NRG3: variants seen among roughly 807,000 people sequenced by gnomAD.
NRG3 encodes neuregulin 3.
In NRG3, 31 loss-of-function variants were observed where a neutral mutation model predicts 66.9. That is an observed-to-expected ratio of 0.46 (90% CI 0.35 to 0.63). NRG3 has a LOEUF of 0.63. Among genes scored for constraint, NRG3 ranks in the 20% least tolerant of loss-of-function variants. The pLI is 0.00. For synonymous variants in NRG3, 393 were observed against 359.4 expected (o/e 1.09, Z -1.06); for missense variants, 910 against 878.9 (o/e 1.04, Z -0.45).
intron 4 of NRG3, among the ~76,000 whole-genome samples, chr10:82,928,475 T>G (rs554901873): frequency 2.0e-5 from 3 of 152,168 alleles, no homozygotes; most frequent in Non-Finnish European, 4.4e-5. Context: ...GTTTTAGGTC[T>G]TAAGTTTAAG....
At chr10:82,567,653 A>T (rs2045491792) in intron 2 of NRG3, among the ~76,000 whole-genome samples, 1 of 151,942 alleles carries the variant, frequency 6.6e-6, no homozygotes, top group Non-Finnish European at 1.5e-5. Context: ...CATATGCAAG[A>T]TATTTCTGTC....
rs183346293 is a variant in NRG3, at chr10:82,245,779, G to A, written c.824-112960G>A. The stretch of plus-strand genomic sequence containing the variant: ...ACCACACAGGAATTCTCATTTTTGA[G>A]AAGATAAAGAATGAGGAAAATCTGA... On this transcript the variant is annotated intron_variant, in intron 1 of 8. Coordinates refer to ENST00000372141, the MANE Select transcript of NRG3 (RefSeq NM_001010848.4). 2.7e-3 allele frequency among the ~76,000 whole-genome samples: 411 copies of A among 152,230 alleles called. 1 individual carries two copies. Among genetic ancestry groups the A allele is most frequent in the African/African-American group, 8.9e-3 (371 of 41,550 alleles).
rs532745471 is a variant in NRG3, at chr10:82,028,823, C to A, written c.823+152660C>A. ...AAATAACTAAGAAATATGCTCACCC[C>A]GTAAGGATTTATGTGGAGCTCACTC... On this transcript the variant is annotated intron_variant, in intron 1 of 8. Coordinates refer to ENST00000372141, the MANE Select transcript of NRG3 (RefSeq NM_001010848.4). 1.2e-4 allele frequency among the ~76,000 whole-genome samples: 18 copies of A among 152,178 alleles called. 1 individual carries two copies. In the South Asian group the frequency reaches 3.7e-3, roughly 32 times the overall value.
At chr10:81,950,793 G>A (rs1352754202) in intron 1 of NRG3, among the ~76,000 whole-genome samples, 2 of 152,084 alleles carry the variant, frequency 1.3e-5, no homozygotes, top group East Asian at 1.9e-4. Flanking sequence ...AAAAGGCAAC[G>A]CTTTATGGAA....
chr10:82,256,590 T>C (rs1312566992), intron 1 of NRG3, among the ~76,000 whole-genome samples: 2 of 152,230 alleles, frequency 1.3e-5, no homozygotes, highest in African/African-American at 4.8e-5. Context: ...CCTGCTGCTC[T>C]ACCTTCTCTT....
At chr10:82,110,930 A>AC (rs1441420182) in intron 1 of NRG3, among the ~76,000 whole-genome samples, 1 of 151,688 alleles carries the variant, frequency 6.6e-6, no homozygotes, top group African/African-American at 2.4e-5. Flanking sequence ...TAGAGAAAAG[A>AC]AAAAAAAAGT....
At chr10:82,110,576 G>A (rs2067326823) in intron 1 of NRG3, among the ~76,000 whole-genome samples, 1 of 151,832 alleles carries the variant, frequency 6.6e-6, no homozygotes, top group Non-Finnish European at 1.5e-5. Context: ...AAAGGTGTCA[G>A]GGAGGAAAGT....
At chr10:82,576,405 T>A (rs1270823056) in intron 2 of NRG3, among the ~76,000 whole-genome samples, 1 of 151,490 alleles carries the variant, frequency 6.6e-6, no homozygotes, top group African/African-American at 2.4e-5. Flanking sequence ...CCTCCCCTCC[T>A]AGACATCTAA....
At chr10:82,024,203 C>T (rs567671407) in intron 1 of NRG3, among the ~76,000 whole-genome samples, 1 of 151,932 alleles carries the variant, frequency 6.6e-6, no homozygotes, top group African/African-American at 2.4e-5. Context: ...TAGTATCTCC[C>T]CTTTTCCTCT....
intron 4 of NRG3, among the ~76,000 whole-genome samples, chr10:82,940,159 G>T (rs1389708766): frequency 6.6e-6 from 1 of 152,158 alleles, no homozygotes; most frequent in East Asian, 1.9e-4. Context: ...AGGCTTAATA[G>T]TATTTATTCT....
At chr10:82,268,226 C>T (rs2078406721) in intron 1 of NRG3, among the ~76,000 whole-genome samples, 1 of 152,088 alleles carries the variant, frequency 6.6e-6, no homozygotes, top group East Asian at 1.9e-4. Context: ...TACAGGGGTA[C>T]TATTATCATT....
In NRG3 at chr10:82,986,803, AT is replaced by A. The variant is rs1426653958; in HGVS notation, c.*1201del. 6.6e-6 allele frequency: 1 copy of A among 152,128 alleles called. No individual in the cohort carries two copies. Among genetic ancestry groups the A allele is most frequent in the African/African-American group, 2.4e-5 (1 of 41,428 alleles). The allele number at this position is 152,128 out of a possible 1,614,324, so 9.4% of individuals were successfully genotyped here. ...GACAATTAACAAATTGACAGTTACC[AT>A]TTGCTTTCTCATCATCCTCATTACC... On this transcript the variant is annotated 3_prime_UTR_variant, in exon 9 of 9. Transcript: ENST00000372141.
At chr10:82,743,809 T>C (rs1367771397) in intron 3 of NRG3, among the ~76,000 whole-genome samples, 1 of 152,172 alleles carries the variant, frequency 6.6e-6, no homozygotes, top group East Asian at 1.9e-4. Flanking sequence ...TTCCTGAAGA[T>C]TATTAACAGA....
chr10:82,822,321 T>A (rs1220823900), intron 3 of NRG3, among the ~76,000 whole-genome samples: 3 of 151,972 alleles, frequency 2.0e-5, no homozygotes, highest in Non-Finnish European at 2.9e-5. Context: ...CAGGTGTTGA[T>A]GCACATCTGA....
At chr10:82,901,151 C>T (rs1448831278) in intron 4 of NRG3, among the ~76,000 whole-genome samples, 1 of 152,178 alleles carries the variant, frequency 6.6e-6, no homozygotes, top group Non-Finnish European at 1.5e-5. Context: ...CCCTCCTGTA[C>T]TGAGAGCGCT....
intron 4 of NRG3, among the ~76,000 whole-genome samples, chr10:82,922,366 T>C (rs530182970): frequency 2.4e-4 from 36 of 152,292 alleles, no homozygotes; most frequent in Non-Finnish European, 4.0e-4. Flanking sequence ...ACCATCTGAA[T>C]TGATCCAATA....
intron 1 of NRG3, among the ~76,000 whole-genome samples, chr10:81,889,914 T>TGGTACCACAA (rs1842890677): frequency 6.6e-6 from 1 of 152,322 alleles, no homozygotes; most frequent in South Asian, 2.1e-4. Flanking sequence ...CTGAGTTTTG[T>TGGTACCACAA]AAGCTTCTAA....
intron 5 of NRG3, among the ~76,000 whole-genome samples, chr10:82,955,689 T>TA (rs1342557403): frequency 6.6e-6 from 1 of 151,902 alleles, no homozygotes; most frequent in Non-Finnish European, 1.5e-5. Flanking sequence ...CCCCTAACTA[T>TA]AGGTCATCAA....
intron 1 of NRG3, among the ~76,000 whole-genome samples, chr10:82,034,240 C>A (rs1311447079): frequency 6.6e-6 from 1 of 152,104 alleles, no homozygotes; most frequent in Non-Finnish European, 1.5e-5. Context: ...AGACCATATA[C>A]ATGACCCATT....
Sources: gnomAD v4.1 joint callset for allele counts (sites outside exome capture counted in the v4.1 genomes callset) on GRCh38, gnomAD v4.1.1 for gene constraint, MANE v1.5 for transcripts, NCBI Gene and HGNC (gene_info 2026-07-23, HGNC 2026-07-21) for gene names.